Variants in GPC4 observed in about 807,000 individuals in gnomAD.
GPC4 encodes glypican 4.
GPC4 carries 10 observed loss-of-function variants against 35.0 expected under a neutral mutation model. The ratio of observed to expected loss-of-function variants is 0.29; its 90% CI spans 0.18 to 0.48. GPC4 has a LOEUF of 0.48. Among genes scored for constraint, GPC4 ranks in the 20% least tolerant of loss-of-function variants. The pLI, the probability that GPC4 is intolerant of heterozygous loss-of-function variation, is 0.99. For synonymous variants in GPC4, 167 were observed against 170.2 expected (o/e 0.98, Z 0.15); for missense variants, 322 against 451.3 (o/e 0.71, Z 2.60).
chrX:133,374,451 C>T (rs2068625313), intron 1 of GPC4, among the ~76,000 whole-genome samples: 1 of 110,695 alleles, frequency 9.0e-6, no homozygotes, highest in Non-Finnish European at 1.9e-5. Flanking sequence ...CCAGGGTGAA[C>T]CAAGAACTTC....
intron 1 of GPC4, among the ~76,000 whole-genome samples, chrX:133,341,122 C>CA (rs2068465174): frequency 9.0e-6 from 1 of 111,720 alleles, no homozygotes; most frequent in Admixed American, 9.5e-5. Context: ...TTGTTACAAC[C>CA]AAAAACAAAA....
intron 2 of GPC4, among the ~76,000 whole-genome samples, chrX:133,329,346 TA>T (rs200467246): frequency 9.8e-5 from 11 of 112,042 alleles, no homozygotes; most frequent in Admixed American, 5.7e-4. Context: ...TACAATCCTT[TA>T]AAAAAAATCT....
intron 1 of GPC4, among the ~76,000 whole-genome samples, chrX:133,402,724 T>G (rs1192636246): frequency 2.7e-5 from 3 of 110,185 alleles, no homozygotes; most frequent in Non-Finnish European, 5.7e-5. Context: ...GCTAACACGG[T>G]GAAACCCGTC....
At chrX:133,393,494 AG>A (rs1255068984) in intron 1 of GPC4, among the ~76,000 whole-genome samples, 8 of 105,142 alleles carry the variant, frequency 7.6e-5, no homozygotes, top group African/African-American at 2.5e-4. Context: ...GCTTAGAGAG[AG>A]AAAAAAAAAA....
chrX:133,396,662 G>A (rs1391620816), intron 1 of GPC4, among the ~76,000 whole-genome samples: 3 of 111,697 alleles, frequency 2.7e-5, no homozygotes, highest in Non-Finnish European at 3.8e-5. Context: ...TTAGTCTCTC[G>A]TTAATATGGT....
intron 2 of GPC4, among the ~76,000 whole-genome samples, chrX:133,335,119 C>G (rs1224587641): frequency 9.0e-6 from 1 of 111,177 alleles, no homozygotes; most frequent in Non-Finnish European, 1.9e-5. Flanking sequence ...TCCCTAACTC[C>G]CTCCTGAATT....
chrX:133,333,015 T>C (rs780785441), intron 2 of GPC4, among the ~76,000 whole-genome samples: 1 of 112,365 alleles, frequency 8.9e-6, no homozygotes, highest in African/African-American at 3.2e-5. Context: ...GAGTTTCCAT[T>C]GCTCTGCTAA....
rs1335690318 is a variant in GPC4, at chrX:133,324,567, AAAG to A, written c.320-34_320-32del. On this transcript the variant is annotated intron_variant, in intron 2 of 8. Transcript: ENST00000370828. ...ACCAACACCAAAAAAAAAAAAAAAAAAAGGAAAAACGAGAGTTTTCAGTGTTTA... is the reference window on the plus strand; with the variant it reads ...ACCAACACCAAAAAAAAAAAAAAAAAGAAAAACGAGAGTTTTCAGTGTTTA... 5.6e-6 allele frequency: 6 copies of A among 1,065,577 alleles called. No individual in the cohort carries two copies. In the African/African-American group the frequency reaches 5.7e-5, roughly 10 times the overall value. The allele number at this position is 1,065,577 out of a possible 1,213,427, so 87.8% of individuals were successfully genotyped here. A position where few individuals can be genotyped will look rare whatever the true frequency, so the allele number is the denominator to read the frequency against.
intron 3 of GPC4, among the ~76,000 whole-genome samples, chrX:133,320,117 T>C (rs1299003773): frequency 8.9e-6 from 1 of 111,937 alleles, no homozygotes; most frequent in Non-Finnish European, 1.9e-5. Context: ...GCATTCCCAA[T>C]TGTGACCACA....
chrX:133,316,117 CAG>C (rs1314253691), intron 3 of GPC4, among the ~76,000 whole-genome samples: 1 of 111,663 alleles, frequency 9.0e-6, no homozygotes, highest in Non-Finnish European at 1.9e-5. Flanking sequence ...TGTTCTATGG[CAG>C]AGTTACTACT....
At chrX:133,355,366 G>C (rs2068537045) in intron 1 of GPC4, among the ~76,000 whole-genome samples, 4 of 111,904 alleles carry the variant, frequency 3.6e-5, no homozygotes, top group Admixed American at 1.9e-4. Context: ...GAATGACTTG[G>C]TGGTATGGGC....
Position 133,373,600 on chromosome X carries a change from G to A in GPC4, c.161-34259C>T, listed in dbSNP as rs144703066. ...CTCAAGGGAACTTCCAGTTCTTGGG[G>A]TTTCCCATCACCAGGGCTCAGGGGC... On this transcript the variant is annotated intron_variant, in intron 1 of 8. Transcript: ENST00000370828. 3.6e-3 allele frequency among the ~76,000 whole-genome samples: 401 copies of A among 111,372 alleles called. 1 individual carries two copies. Among genetic ancestry groups the A allele is most frequent in the African/African-American group, 0.013 (389 of 30,634 alleles).
At chrX:133,414,415 C>G (rs2068828334) in intron 1 of GPC4, 1 of 727,024 alleles carries the variant, frequency 1.4e-6, no homozygotes, top group South Asian at 7.1e-5. Flanking sequence ...GCGGGGCGTC[C>G]TATAAGGAGT....
Position 133,324,520 on chromosome X carries a change from T to C in GPC4, c.336A>G (p.Leu112=), listed in dbSNP as rs749565639. 1 of 1,075,309 alleles carries C rather than the reference T, an allele frequency of 9.3e-7. No individual in the cohort carries two copies. Among genetic ancestry groups the C allele is most frequent in the Admixed American group, 3.4e-5 (1 of 29,195 alleles). 88.6% of individuals were successfully genotyped at this position (1,075,309 alleles called of 1,213,427 possible). A position where few individuals can be genotyped will look rare whatever the true frequency, so the allele number is the denominator to read the frequency against. The change falls in exon 3 of 9, where the codon CTA becomes CTG. Residue 112 remains leucine (L), a synonymous_variant. Coordinates refer to ENST00000370828, the MANE Select transcript of GPC4 (RefSeq NM_001448.3). ...TCAGGGATTTCTCTGCATTTTCAAG[T>C]AGTTCTTTGAAGAATTCTGAAACCA... The part of the protein sequence containing the change: ...YKKFDEFFKE[L]LENAEKSLND...
chrX:133,377,971 C>G (rs1476684574), intron 1 of GPC4, among the ~76,000 whole-genome samples: 1 of 103,816 alleles, frequency 9.6e-6, no homozygotes, highest in East Asian at 3.0e-4. Flanking sequence ...CATGGCTCAC[C>G]GCAGCTTTAA....
chrX:133,336,033 C>G (rs756695171), intron 2 of GPC4, among the ~76,000 whole-genome samples: 3 of 111,813 alleles, frequency 2.7e-5, no homozygotes, highest in African/African-American at 9.8e-5. Flanking sequence ...TTCCCTACCA[C>G]CATCTTTTTA....
intron 1 of GPC4, among the ~76,000 whole-genome samples, chrX:133,372,224 TAAAAAAA>T (rs372391787): frequency 0.43 from 35,318 of 82,205 alleles, 6,480 homozygotes; most frequent in African/African-American, 0.62. Flanking sequence ...ACTCCGTCTT[TAAAAAAA>T]AAAAAAAAAA....
intron 1 of GPC4, among the ~76,000 whole-genome samples, chrX:133,390,121 G>A (rs1603093182): frequency 9.0e-6 from 1 of 110,601 alleles, no homozygotes. Context: ...CCAAGCCAGC[G>A]TTCTCGTTAT....
At chrX:133,332,107 A>G (rs1250565725) in intron 2 of GPC4, among the ~76,000 whole-genome samples, 1 of 112,118 alleles carries the variant, frequency 8.9e-6, no homozygotes, top group African/African-American at 3.2e-5. Flanking sequence ...AAAGAAAAAC[A>G]TTATTTTAAA....
Sources: allele counts gnomAD v4.1 joint callset (sites outside exome capture counted in the v4.1 genomes callset), GRCh38; gene constraint gnomAD v4.1.1; transcripts MANE v1.5; gene names NCBI Gene and HGNC (gene_info 2026-07-23, HGNC 2026-07-21).